The following FRY variants were observed in gnomAD, a reference collection of about 807,000 sequenced individuals.
FRY encodes the protein protein furry homolog.
Under a neutral mutation model 348.4 loss-of-function variants are expected in FRY, and 128 were observed. The ratio of observed to expected loss-of-function variants is 0.37; its 90% CI spans 0.32 to 0.43. The LOEUF is 0.43. Among genes scored for constraint, FRY ranks in the 20% least tolerant of loss-of-function variants. The probability of loss-of-function intolerance (pLI) is 1.00; values close to 1 mark genes in which losing one functional copy is unlikely to be tolerated. For missense variants in FRY, 2,736 were observed against 3,695.2 expected (o/e 0.74, Z 6.73); for synonymous variants, 1,370 against 1,374.7 (o/e 1.00, Z 0.08).
At chr13:32,092,353 G>C (rs1449017722) in intron 2 of FRY, among the ~76,000 whole-genome samples, 1 of 152,162 alleles carries the variant, frequency 6.6e-6, no homozygotes, top group Non-Finnish European at 1.5e-5. Flanking sequence ...AGTGACTGTG[G>C]CCTGTCTGTC....
At chr13:32,109,681 T>C (rs1877827615) in intron 3 of FRY, among the ~76,000 whole-genome samples, 1 of 152,106 alleles carries the variant, frequency 6.6e-6, no homozygotes, top group African/African-American at 2.4e-5. Context: ...TTATTTTCTA[T>C]GGGCTATGAG....
rs1214306936 is a variant in FRY at position 32,296,525 on chromosome 13, A to G, written c.*1065A>G. The G allele has an allele frequency of 1.3e-5, 2 of 152,406 alleles. No individual in the cohort carries two copies. The highest frequency in any genetic ancestry group is 4.8e-5 in the African/African-American group (2 of 41,370). The allele number at this position is 152,406 out of a possible 1,614,324, so 9.4% of individuals were successfully genotyped here. Reference sequence around the variant, plus strand: ...CACTGCAGAAACATATTCAGAGTTTATCTATGTAACTTATTCACTCTGTAA... The same window carrying G: ...CACTGCAGAAACATATTCAGAGTTTGTCTATGTAACTTATTCACTCTGTAA... On this transcript the variant is annotated 3_prime_UTR_variant, in exon 61 of 61. Coordinates refer to ENST00000542859, the MANE Select transcript of FRY (RefSeq NM_023037.3).
At chr13:32,046,432 T>C (rs1427151118) in intron 1 of FRY, among the ~76,000 whole-genome samples, 1 of 152,228 alleles carries the variant, frequency 6.6e-6, no homozygotes, top group African/African-American at 2.4e-5. Flanking sequence ...GGCAAAGTTA[T>C]GTGAGCTCAG....
chr13:32,062,567 A>G (rs2138448639), intron 1 of FRY, among the ~76,000 whole-genome samples: 1 of 152,302 alleles, frequency 6.6e-6, no homozygotes, highest in South Asian at 2.1e-4. Flanking sequence ...TCTGGTGAGC[A>G]TGTATTAAGT....
At chr13:32,235,628 A>G (rs879721004) in intron 42 of FRY, among the ~76,000 whole-genome samples, 2 of 152,210 alleles carry the variant, frequency 1.3e-5, no homozygotes, top group Non-Finnish European at 2.9e-5. Flanking sequence ...CATCTCAGAA[A>G]AAAAGAAATG....
Position 32,211,144 on chromosome 13 carries a change from G to A in FRY, c.4591+110G>A. The A allele has an allele frequency of 5.8e-6, 6 of 1,027,956 alleles. No individual in the cohort carries two copies. The South Asian group carries it at 6.7e-5, about 11-fold the overall frequency. The allele number at this position is 1,027,956 out of a possible 1,614,324, so 63.7% of individuals were successfully genotyped here. On this transcript the variant is annotated intron_variant, in intron 34 of 60. Transcript: ENST00000542859. ...TTTGTTACTTTTTTCTTATTCCTGT[G>A]TGTGCATTCAGTTAAGAGATGGCTT...
At chr13:32,256,509 G>A (rs1353900236) in intron 51 of FRY, among the ~76,000 whole-genome samples, 5 of 151,804 alleles carry the variant, frequency 3.3e-5, no homozygotes, top group Non-Finnish European at 5.9e-5. Flanking sequence ...CACTCAGACT[G>A]GATGACAGAG....
chr13:32,179,503 T>TTGTGTGTGTGTGTG (rs10628771), intron 22 of FRY, among the ~76,000 whole-genome samples, 172 bp from the exon 23 acceptor site: 13,236 of 137,398 alleles, frequency 0.096, 742 homozygotes, highest in Non-Finnish European at 0.1. Context: ...TGTATTAAAT[T>TTGTGTGTGTGTGTG]TGTGTGTGTG....
At chr13:32,180,552 G>C (rs1317090279) in intron 23 of FRY, among the ~76,000 whole-genome samples, 6 of 151,852 alleles carry the variant, frequency 4.0e-5, no homozygotes, top group Admixed American at 3.3e-4. Context: ...TCTTTCTATA[G>C]GGCACTTTCT....
At position 32,239,248 on chromosome 13, in the gene FRY, C is replaced by G. The variant is rs921015766; in HGVS notation, c.6419-4C>G. 6.4e-7 allele frequency: 1 copy of G among 1,557,762 alleles called. No individual in the cohort carries two copies. Among genetic ancestry groups the G allele is most frequent in the East Asian group, 2.2e-5 (1 of 44,662 alleles). ...CTATCTCCATTGTATCTTCTCTAAT[C>G]CAGGGTTTCCACTGAATGTCTTGTG... On this transcript the variant is annotated splice_region_variant and splice_polypyrimidine_tract_variant and intron_variant, in intron 44 of 60. Coordinates refer to ENST00000542859, the MANE Select transcript of FRY (RefSeq NM_023037.3). The surrounding 1 kb of genome is among the most constrained non-coding windows in gnomAD (Gnocchi z 4.3).
chr13:32,270,744 C>T (rs1460858818), intron 55 of FRY, among the ~76,000 whole-genome samples: 1 of 152,148 alleles, frequency 6.6e-6, no homozygotes, highest in East Asian at 1.9e-4. Context: ...TTCTCCCTTC[C>T]CCTGGCATCT....
chr13:32,146,562 C>A (rs1566096396), intron 11 of FRY, among the ~76,000 whole-genome samples: 1 of 152,074 alleles, frequency 6.6e-6, no homozygotes, highest in African/African-American at 2.4e-5. Flanking sequence ...TATTGAACTC[C>A]TGACCTCGTA....
intron 1 of FRY, among the ~76,000 whole-genome samples, chr13:32,077,070 G>A (rs903672806): frequency 6.6e-6 from 1 of 152,070 alleles, no homozygotes; most frequent in Non-Finnish European, 1.5e-5. Flanking sequence ...GGAAGAGATG[G>A]GCAGAAAAGA....
intron 1 of FRY, among the ~76,000 whole-genome samples, chr13:32,052,643 A>G (rs1379195159): frequency 1.3e-5 from 2 of 152,148 alleles, no homozygotes; most frequent in African/African-American, 4.8e-5. Flanking sequence ...ACATATTTAA[A>G]TTTGAATACC....
At chr13:32,203,689 C>T (rs1884180705) in intron 31 of FRY, among the ~76,000 whole-genome samples, 1 of 151,690 alleles carries the variant, frequency 6.6e-6, no homozygotes. Context: ...TGCCATTCCA[C>T]TCCAGCCTAG....
chr13:32,112,439 C>G (rs1259338107), intron 3 of FRY, among the ~76,000 whole-genome samples: 1 of 152,160 alleles, frequency 6.6e-6, no homozygotes, highest in African/African-American at 2.4e-5. Context: ...CAAGCTTATA[C>G]AGCTATAAGA....
At position 32,138,108 on chromosome 13, in the gene FRY, T is replaced by C. The variant is rs527961725; in HGVS notation, c.1179+1136T>C. Among the ~76,000 whole-genome samples, 817 of 152,190 alleles carry C rather than the reference T, an allele frequency of 5.4e-3. 5 individuals carry two copies. The highest frequency in any genetic ancestry group is 0.019 in the African/African-American group (786 of 41,524). On this transcript the variant is annotated intron_variant, in intron 11 of 60. Transcript: ENST00000542859. Reference sequence around the variant, plus strand: ...TTATCAAGTGTTACATAAAGGCCACTTTCAGGTTTGTTTTTTTTGTTTTGT... The same window carrying C: ...TTATCAAGTGTTACATAAAGGCCACCTTCAGGTTTGTTTTTTTTGTTTTGT...
chr13:32,290,002 C>T (rs933692714), intron 59 of FRY, among the ~76,000 whole-genome samples: 2 of 152,096 alleles, frequency 1.3e-5, no homozygotes, highest in African/African-American at 4.8e-5. Flanking sequence ...TGGGTTACGG[C>T]CTAGGTGCCT....
intron 55 of FRY, among the ~76,000 whole-genome samples, chr13:32,268,787 C>G (rs966023250): frequency 6.6e-6 from 1 of 151,930 alleles, no homozygotes; most frequent in Non-Finnish European, 1.5e-5. Context: ...CCTGCCTCAG[C>G]CTCCCGAGTA....
Sources: allele counts gnomAD v4.1 joint callset (sites outside exome capture counted in the v4.1 genomes callset), GRCh38; gene constraint gnomAD v4.1.1; non-coding constraint Gnocchi (gnomAD v3.1); transcripts MANE v1.5; gene names NCBI Gene and HGNC (gene_info 2026-07-23, HGNC 2026-07-21).